Variants in COL9A1 observed in about 807,000 individuals in gnomAD.
COL9A1 encodes collagen type IX alpha 1 chain.
COL9A1 carries 104 observed loss-of-function variants against 142.6 expected under a neutral mutation model. The ratio of observed to expected loss-of-function variants is 0.73; its 90% confidence interval spans 0.62 to 0.86. The LOEUF is 0.86. Ranked by LOEUF, COL9A1 falls within the 40% of genes least tolerant of loss-of-function variation. COL9A1 has a pLI of 0.00. For missense variants in COL9A1, 1,210 were observed against 1,176.6 expected (o/e 1.03, Z -0.42); for synonymous variants, 466 against 396.0 (o/e 1.18, Z -2.10).
At chr6:70,274,166 T>A in intron 11 of COL9A1, 84 bp from the exon 12 acceptor site, 1 of 1,102,428 alleles carries the variant, frequency 9.1e-7, no homozygotes, top group Non-Finnish European at 1.3e-6. Context: ...TTGAAAGCAT[T>A]AAAACACCCC....
intron 17 of COL9A1, 56 bp downstream of exon 17, chr6:70,268,748 A>G (rs1562315406): frequency 6.6e-7 from 1 of 1,515,296 alleles, no homozygotes; most frequent in Non-Finnish European, 9.1e-7. Context: ...CTTAAAGTAA[A>G]GGCTCCATTT....
At chr6:70,285,568 T>C (rs1385547838) in intron 5 of COL9A1, among the ~76,000 whole-genome samples, 1 of 152,268 alleles carries the variant, frequency 6.6e-6, no homozygotes, top group Admixed American at 6.5e-5. Context: ...CAGTGATGTT[T>C]ACAACTAATT....
At chr6:70,218,078 G>T (rs1768638737) in intron 37 of COL9A1, among the ~76,000 whole-genome samples, 1 of 152,196 alleles carries the variant, frequency 6.6e-6, no homozygotes, top group Non-Finnish European at 1.5e-5. Context: ...GGGAGGCAGA[G>T]GTTGCAGTGA....
Position 70,300,148 on chromosome 6 carries a change from A to T in COL9A1, c.194T>A (p.Val65Glu). 2 of 1,613,934 alleles carry T rather than the reference A, an allele frequency of 1.2e-6. No homozygotes were observed. The highest frequency in any genetic ancestry group is 1.7e-6 in the Non-Finnish European group (2 of 1,179,890). ...AGCTCTTCTAGATGCTGCTTTATCT[A>T]CCTGGAACTGAGAGATCAGATCAAA... ...PGFDLISQFQVDKAASRRAIQ... is the reference protein window; with the variant it reads ...PGFDLISQFQEDKAASRRAIQ... The change falls in exon 4 of 38, where the codon GTA becomes GAA. Residue 65 changes from valine (V) to glutamate (E), a missense_variant. By Grantham distance (121) the Val-to-Glu change is moderately radical (BLOSUM62 -2). Transcript: ENST00000357250.
At chr6:70,240,780 T>A in intron 31 of COL9A1, 47 bp from the exon 32 acceptor site, 1 of 1,443,832 alleles carries the variant, frequency 6.9e-7, no homozygotes, top group Non-Finnish European at 9.8e-7. Flanking sequence ...TTAGTCCCAT[T>A]GCCCAATTTT....
intron 37 of COL9A1, 59 bp downstream of exon 37, chr6:70,225,873 G>T: frequency 1.7e-6 from 2 of 1,184,030 alleles, no homozygotes; most frequent in Non-Finnish European, 2.5e-6. Flanking sequence ...ATTCAATTCA[G>T]GCTGTGTACT....
chr6:70,267,428 T>C (rs1476511137), intron 17 of COL9A1, among the ~76,000 whole-genome samples: 2 of 149,044 alleles, frequency 1.3e-5, no homozygotes, highest in Non-Finnish European at 3.0e-5. Context: ...GTTCAAGCAA[T>C]TCTCTTCTCT....
At chr6:70,257,947 T>C (rs976358384) in intron 20 of COL9A1, among the ~76,000 whole-genome samples, 1 of 152,200 alleles carries the variant, frequency 6.6e-6, no homozygotes, top group African/African-American at 2.4e-5. Context: ...TCTTCCATCC[T>C]GGACAGATAT....
chr6:70,231,691 C>G (rs1038215365), intron 36 of COL9A1, among the ~76,000 whole-genome samples: 2 of 151,352 alleles, frequency 1.3e-5, no homozygotes, highest in Non-Finnish European at 2.9e-5. Context: ...CAGTATTTAT[C>G]CCTAATTGGA....
At chr6:70,248,996 A>C (rs1463448898) in intron 28 of COL9A1, among the ~76,000 whole-genome samples, 1 of 152,102 alleles carries the variant, frequency 6.6e-6, no homozygotes, top group Non-Finnish European at 1.5e-5. Flanking sequence ...TGAAGGAAAA[A>C]GCCATTTAAA....
chr6:70,221,829 C>A (rs1768897012), intron 37 of COL9A1, among the ~76,000 whole-genome samples: 1 of 152,158 alleles, frequency 6.6e-6, no homozygotes, highest in Non-Finnish European at 1.5e-5. Context: ...TTGGTGGCAG[C>A]AGAGAGAGTC....
intron 5 of COL9A1, 43 bp from the exon 6 acceptor site, chr6:70,283,863 A>G (rs1337136824): frequency 7.1e-7 from 1 of 1,409,540 alleles, no homozygotes; most frequent in South Asian, 1.2e-5. Context: ...TTTTTGGACG[A>G]CTGAAGCTGG....
At chr6:70,220,585 C>G (rs562990686) in intron 37 of COL9A1, among the ~76,000 whole-genome samples, 2 of 151,954 alleles carry the variant, frequency 1.3e-5, no homozygotes, top group Non-Finnish European at 2.9e-5. Flanking sequence ...ACAGCCTTAA[C>G]ATAGCAGATT....
rs765493530 is a variant in COL9A1, at chr6:70,301,991, TGGCCCTTACTGG to T, written c.86_88+9del. 2 of 1,603,526 alleles carry T rather than the reference TGGCCCTTACTGG, an allele frequency of 1.2e-6. No homozygotes were observed. The highest frequency in any genetic ancestry group is 2.7e-5 in the African/African-American group (2 of 74,738). On this transcript the variant is annotated splice_donor_variant and splice_donor_5th_base_variant and coding_sequence_variant and intron_variant, in exon 2 of 38. Transcript: ENST00000357250. LOFTEE classifies it high-confidence loss of function. ...GTGATCTTTGAAAGTCTAGAAACTA[TGGCCCTTACTGG>T]GGCGACGCTTGACAGCTGCAGATGC...
chr6:70,296,106 C>T (rs1033199981), intron 4 of COL9A1, among the ~76,000 whole-genome samples: 18 of 152,198 alleles, frequency 1.2e-4, no homozygotes, highest in African/African-American at 4.3e-4. Flanking sequence ...AAATCTTTAA[C>T]TTCTTTTATA....
chr6:70,254,550 A>C (rs1771146611), intron 24 of COL9A1, 21 bp from the exon 25 acceptor site: 1 of 1,612,518 alleles, frequency 6.2e-7, no homozygotes, highest in African/African-American at 1.3e-5. Context: ...AGCTTTTATC[A>C]CATGATTGAA....
chr6:70,222,502 A>C (rs1437874272), intron 37 of COL9A1, among the ~76,000 whole-genome samples: 1 of 152,190 alleles, frequency 6.6e-6, no homozygotes, highest in Non-Finnish European at 1.5e-5. Flanking sequence ...AATGATCATC[A>C]ATGTAAAGGT....
intron 5 of COL9A1, among the ~76,000 whole-genome samples, chr6:70,291,027 C>T (rs1773640166): frequency 6.6e-6 from 1 of 152,252 alleles, no homozygotes; most frequent in Non-Finnish European, 1.5e-5. Context: ...CCATCACTCT[C>T]TAAGTCTTCT....
chr6:70,252,013 G>T, intron 28 of COL9A1, 107 bp downstream of exon 28: 1 of 1,155,836 alleles, frequency 8.7e-7, no homozygotes, highest in Non-Finnish European at 1.3e-6. Flanking sequence ...GACTAGCATG[G>T]GCTCAAACAT....
Sources: allele counts gnomAD v4.1 joint callset (sites outside exome capture counted in the v4.1 genomes callset), GRCh38; gene constraint gnomAD v4.1.1; transcripts MANE v1.5; gene names NCBI Gene and HGNC (gene_info 2026-07-23, HGNC 2026-07-21).